CSMD3: variants seen among roughly 807,000 people sequenced by gnomAD.
CSMD3 encodes the protein CUB and sushi domain-containing protein 3.
In CSMD3, 177 loss-of-function variants were observed where a neutral mutation model predicts 435.2. The ratio of observed to expected loss-of-function variants is 0.41; its 90% CI spans 0.36 to 0.46. The LOEUF (loss-of-function observed/expected upper bound fraction) is 0.46. Among genes scored for constraint, CSMD3 ranks in the 20% least tolerant of loss-of-function variants. The pLI, the probability that CSMD3 is intolerant of heterozygous loss-of-function variation, is 0.34. For synonymous variants in CSMD3, 1,656 were observed against 1,520.5 expected, an observed-to-expected ratio of 1.09 and a Z score of -2.07; for missense variants, 4,265 against 4,504.6, an observed-to-expected ratio of 0.95 and a Z score of 1.52.
In CSMD3 at chr8:112,226,957, T is replaced by C. The variant is rs1812626189; in HGVS notation, c.10964+1799A>G. On this transcript the variant is annotated intron_variant, in intron 70 of 70. Coordinates refer to ENST00000297405, the MANE Select transcript of CSMD3 (RefSeq NM_198123.2). ...TTAGGCTTTGGACAAAGCAGAACCT[T>C]TATCCATTGCCGATAGGAATGGAAA... Among the ~76,000 whole-genome samples, 4 of 152,144 alleles carry C rather than the reference T, an allele frequency of 2.6e-5. No individual in the cohort carries two copies. The South Asian group carries it at 8.3e-4, about 32-fold the overall frequency.
At chr8:113,185,482 C>T (rs142991298) in intron 3 of CSMD3, among the ~76,000 whole-genome samples, 235 of 152,138 alleles carry the variant, frequency 1.5e-3, no homozygotes, top group African/African-American at 5.5e-3. Context: ...TGAGGACACT[C>T]CTTTAGTCCC....
intron 35 of CSMD3, among the ~76,000 whole-genome samples, chr8:112,398,170 A>T (rs1276983695): frequency 6.6e-6 from 1 of 152,198 alleles, no homozygotes; most frequent in Admixed American, 6.5e-5. Flanking sequence ...AATCTCTTTG[A>T]TTCAATGCTC....
At chr8:112,822,918 T>C (rs1250486557) in intron 12 of CSMD3, among the ~76,000 whole-genome samples, 1 of 152,222 alleles carries the variant, frequency 6.6e-6, no homozygotes, top group East Asian at 1.9e-4. Flanking sequence ...ATTGGTTCTC[T>C]TTTGTGATGG....
chr8:113,234,849 G>A (rs183520165), intron 3 of CSMD3, among the ~76,000 whole-genome samples: 16 of 152,170 alleles, frequency 1.1e-4, no homozygotes, highest in African/African-American at 3.9e-4. Flanking sequence ...ACGATTTTCT[G>A]TCAGCTTAAA....
In CSMD3 at chr8:112,541,991, A is replaced by G. The variant is rs527898170; in HGVS notation, c.4564+8680T>C. On this transcript the variant is annotated intron_variant, in intron 27 of 70. Coordinates refer to ENST00000297405, the MANE Select transcript of CSMD3 (RefSeq NM_198123.2). ...GGGACAGAAAGATAGTTCAATATAC[A>G]AAAATCAATTATTTTGATACACCAC... is the stretch of plus-strand genomic sequence containing the variant. 1.8e-4 allele frequency among the ~76,000 whole-genome samples: 27 copies of G among 152,140 alleles called. 1 individual carries two copies. The South Asian group carries it at 5.6e-3, about 31-fold the overall frequency.
At chr8:112,344,041 C>T (rs1214483971) in intron 41 of CSMD3, among the ~76,000 whole-genome samples, 1 of 152,008 alleles carries the variant, frequency 6.6e-6, no homozygotes, top group Non-Finnish European at 1.5e-5. Context: ...TGCCACCATG[C>T]CTGGCTAATT....
chr8:112,390,682 T>A lies in CSMD3; in HGVS notation c.5916A>T (p.Pro1972=), dbSNP rs1830336182. 6.2e-7 allele frequency: 1 copy of A among 1,613,540 alleles called. No homozygotes were observed. The highest frequency in any genetic ancestry group is 1.3e-5 in the African/African-American group (1 of 75,056). The stretch of plus-strand genomic sequence containing the variant: ...TTCTTACTTGAATGCCAGCTCCCTC[T>A]GGCACTGTGATCTTCCACACACAAT... The part of the protein sequence containing the change: ...NLNCVWKITV[P]EGAGIQVQVV... Residue 1972 remains proline, a synonymous_variant, in exon 36 of 71, where the codon CCA becomes CCT. Coordinates refer to ENST00000297405, the MANE Select transcript of CSMD3 (RefSeq NM_198123.2).
At chr8:112,358,392 C>T (rs1232484027) in intron 38 of CSMD3, among the ~76,000 whole-genome samples, 1 of 152,036 alleles carries the variant, frequency 6.6e-6, no homozygotes, top group Non-Finnish European at 1.5e-5. Flanking sequence ...GTTGGGAAGG[C>T]ATGATTGGTT....
chr8:112,376,938 A>G (rs962722289), intron 38 of CSMD3, among the ~76,000 whole-genome samples: 1 of 152,148 alleles, frequency 6.6e-6, no homozygotes, highest in Admixed American at 6.6e-5. Context: ...ACAGTTACCC[A>G]AACACTCACC....
At chr8:112,722,097 A>G (rs1159341195) in intron 13 of CSMD3, among the ~76,000 whole-genome samples, 2 of 151,908 alleles carry the variant, frequency 1.3e-5, no homozygotes, top group African/African-American at 2.4e-5. Context: ...GAATTATATT[A>G]AATAGCTCAC....
At chr8:113,001,731 TAAC>T (rs1235717532) in intron 6 of CSMD3, among the ~76,000 whole-genome samples, 4 of 152,110 alleles carry the variant, frequency 2.6e-5, no homozygotes, top group Middle Eastern at 6.3e-3. Flanking sequence ...AACTAATGGA[TAAC>T]AACATCATTT....
intron 38 of CSMD3, among the ~76,000 whole-genome samples, chr8:112,368,991 C>T (rs1828057881): frequency 6.6e-6 from 1 of 151,944 alleles, no homozygotes; most frequent in Admixed American, 6.6e-5. Context: ...GTTGTATAAC[C>T]TTCTTTATTA....
At chr8:112,485,588 A>G (rs1820046371) in intron 31 of CSMD3, among the ~76,000 whole-genome samples, 1 of 152,156 alleles carries the variant, frequency 6.6e-6, no homozygotes, top group African/African-American at 2.4e-5. Context: ...TGCCATTTAA[A>G]CAAAATATCT....
chr8:113,115,741 T>C (rs977604133), intron 4 of CSMD3, among the ~76,000 whole-genome samples: 4 of 152,238 alleles, frequency 2.6e-5, no homozygotes, highest in African/African-American at 4.8e-5. Context: ...TAATGTCTTT[T>C]GCTACAGATG....
chr8:112,536,495 T>C (rs1826095344), intron 27 of CSMD3, among the ~76,000 whole-genome samples: 2 of 152,084 alleles, frequency 1.3e-5, no homozygotes, highest in South Asian at 4.1e-4. Flanking sequence ...CCAGTTAGAA[T>C]GGCAATCATT....
chr8:113,388,461 A>AC (rs1360958162), intron 1 of CSMD3, among the ~76,000 whole-genome samples: 1 of 151,602 alleles, frequency 6.6e-6, no homozygotes, highest in Non-Finnish European at 1.5e-5. Context: ...CTGATTTGTC[A>AC]CGTAGCCCAT....
At chr8:112,695,370 T>C (rs1164903446) in intron 13 of CSMD3, among the ~76,000 whole-genome samples, 1 of 152,204 alleles carries the variant, frequency 6.6e-6, no homozygotes, top group Non-Finnish European at 1.5e-5. Flanking sequence ...TTCTCCTTTT[T>C]AACCAAACAA....
At chr8:113,125,650 G>C (rs1178374648) in intron 4 of CSMD3, among the ~76,000 whole-genome samples, 1 of 151,952 alleles carries the variant, frequency 6.6e-6, no homozygotes, top group African/African-American at 2.4e-5. Flanking sequence ...GGACTGGCCA[G>C]TAAAGTGAAA....
chr8:113,416,399 C>T (rs1285420636), intron 1 of CSMD3, among the ~76,000 whole-genome samples: 1 of 152,054 alleles, frequency 6.6e-6, no homozygotes, highest in Non-Finnish European at 1.5e-5. Flanking sequence ...GGTAGTCTTA[C>T]ACAATCTATT....
Sources: allele counts gnomAD v4.1 joint callset (sites outside exome capture counted in the v4.1 genomes callset), GRCh38; gene constraint gnomAD v4.1.1; transcripts MANE v1.5; gene names NCBI Gene and HGNC (gene_info 2026-07-23, HGNC 2026-07-21).